PHF11: variants seen among roughly 807,000 people sequenced by gnomAD.
The protein encoded by PHF11 is BRCA1 C-terminus-associated protein.
PHF11 carries 38 observed loss-of-function variants against 40.5 expected under a neutral mutation model. The ratio of observed to expected loss-of-function variants is 0.94; its 90% confidence interval spans 0.72 to 1.23. The LOEUF (loss-of-function observed/expected upper bound fraction) is 1.23, where lower values mean the gene tolerates loss of function less well. Ranked by LOEUF, PHF11 falls within the 50% of genes most tolerant of loss-of-function variation. PHF11 has a pLI of 0.00. For missense variants in PHF11, 369 were observed against 392.4 expected (o/e 0.94, Z 0.50); for synonymous variants, 127 against 138.2 (o/e 0.92, Z 0.57).
intron 4 of PHF11, among the ~76,000 whole-genome samples, chr13:49,520,463 C>T (rs576200893): frequency 2.6e-5 from 4 of 152,258 alleles, no homozygotes; most frequent in African/African-American, 9.6e-5. Flanking sequence ...CTGTTTTCAT[C>T]GAAAATGACT....
intron 9 of PHF11, 59 bp from the exon 10 acceptor site, chr13:49,528,452 C>A: frequency 1.7e-6 from 2 of 1,205,362 alleles, no homozygotes; most frequent in Non-Finnish European, 2.4e-6. Flanking sequence ...AGAAATGGTA[C>A]ATTATTTCTA....
At chr13:49,511,299 C>T (rs928025789) in intron 2 of PHF11, among the ~76,000 whole-genome samples, 2 of 145,032 alleles carry the variant, frequency 1.4e-5, no homozygotes, top group Non-Finnish European at 3.0e-5. Flanking sequence ...TTATTTAGGC[C>T]TTTCATAATT....
Position 49,524,195 on chromosome 13 carries a change from G to T in PHF11, c.748G>T (p.Asp250Tyr), listed in dbSNP as rs1194653715. ...TCATTCAATTCCAGAAAAACTCATG[G>T]ATGAGACTACTTCAGAATCAGGTAC... is the stretch of plus-strand genomic sequence containing the variant. ...KVHSIPEKLM[D>Y]ETTSESDYEE... The change falls in exon 8 of 10, where the codon GAT (aspartate) becomes TAT (tyrosine). Residue 250 changes from aspartate to tyrosine, a missense_variant. By Grantham distance (160) the Asp-to-Tyr change is radical. Coordinates refer to ENST00000378319, the MANE Select transcript of PHF11 (RefSeq NM_001040443.3). The T allele has an allele frequency of 6.2e-7, 1 of 1,608,548 alleles. No homozygotes were observed. Among genetic ancestry groups the T allele is most frequent in the Non-Finnish European group, 8.5e-7 (1 of 1,176,464 alleles).
In PHF11 at chr13:49,523,441, T is replaced by C; in HGVS notation, c.637+200T>C. On this transcript the variant is annotated intron_variant, in intron 7 of 9. Coordinates refer to ENST00000378319, the MANE Select transcript of PHF11 (RefSeq NM_001040443.3). ...AGATAACTTAGGTTGGAATGGTCCA[T>C]TGCATTCAGTATTAAGAAAAGATAG... is the stretch of plus-strand genomic sequence containing the variant. 1.0e-5 allele frequency: 6 copies of C among 579,100 alleles called. No individual in the cohort carries two copies. In the South Asian group the frequency reaches 1.1e-4, roughly 11 times the overall value. The allele number at this position is 579,100 out of a possible 1,614,324, so 35.9% of individuals were successfully genotyped here. A position where few individuals can be genotyped will look rare whatever the true frequency, so the allele number is the denominator to read the frequency against.
intron 1 of PHF11, 67 bp from the exon 2 acceptor site, chr13:49,506,568 T>C: frequency 6.9e-7 from 1 of 1,455,546 alleles, no homozygotes; most frequent in Non-Finnish European, 9.6e-7. Context: ...ACTTGAAGAC[T>C]GGAAGAGGAG....
intron 1 of PHF11, 178 bp downstream of exon 1, chr13:49,496,273 G>T: frequency 3.0e-6 from 2 of 666,896 alleles, no homozygotes; most frequent in Non-Finnish European, 4.2e-6. Context: ...CGTGCCTGTT[G>T]GTGGGGGAGG....
At chr13:49,517,639 C>T (rs1959167686) in intron 3 of PHF11, among the ~76,000 whole-genome samples, 1 of 152,234 alleles carries the variant, frequency 6.6e-6, no homozygotes, top group South Asian at 2.1e-4. Context: ...AGCGACCAAT[C>T]TCGCCTGTCT....
intron 8 of PHF11, among the ~76,000 whole-genome samples, chr13:49,525,209 A>G (rs557376422): frequency 6.6e-6 from 1 of 152,278 alleles, no homozygotes; most frequent in East Asian, 1.9e-4. Context: ...TGGGAAGTCA[A>G]AGTTCCATTT....
At position 49,505,245 on chromosome 13, in the gene PHF11, C is replaced by T. The variant is rs1594204074; in HGVS notation, c.95-1390C>T. 2.0e-5 allele frequency among the ~76,000 whole-genome samples: 3 copies of T among 151,486 alleles called. No individual in the cohort carries two copies. In the East Asian group the frequency reaches 5.8e-4, roughly 29 times the overall value. ...CTGAGCAGTTTTCACTCTATCTTACCCTTTTTTCTTGCTTGGTGGGAAGCT... is the reference window on the plus strand; with the variant it reads ...CTGAGCAGTTTTCACTCTATCTTACTCTTTTTTCTTGCTTGGTGGGAAGCT... On this transcript the variant is annotated intron_variant, in intron 1 of 9. Coordinates refer to ENST00000378319, the MANE Select transcript of PHF11 (RefSeq NM_001040443.3).
intron 3 of PHF11, among the ~76,000 whole-genome samples, chr13:49,516,815 G>C (rs1265557284): frequency 1.3e-5 from 2 of 151,858 alleles, no homozygotes; most frequent in African/African-American, 4.8e-5. Context: ...GAACTCCTGG[G>C]CTCAAGCAAT....
At chr13:49,507,419 T>G (rs1959017404) in intron 2 of PHF11, among the ~76,000 whole-genome samples, 1 of 152,226 alleles carries the variant, frequency 6.6e-6, no homozygotes, top group Admixed American at 6.5e-5. Flanking sequence ...GGCATTTAGT[T>G]TTTCCAGTAT....
intron 8 of PHF11, chr13:49,525,830 A>G: frequency 4.4e-6 from 2 of 456,204 alleles, no homozygotes; most frequent in Admixed American, 2.4e-5. Context: ...GTGAGGACAC[A>G]GATAGCTGGG....
chr13:49,496,259 C>A (rs2139018658), intron 1 of PHF11, 164 bp downstream of exon 1: 1 of 648,422 alleles, frequency 1.5e-6, no homozygotes, highest in Non-Finnish European at 2.2e-6. Flanking sequence ...TGGCTCACCA[C>A]TCGCGTGCCT....
chr13:49,526,218 T>TA (rs1959268857), intron 8 of PHF11, 169 bp from the exon 9 acceptor site: 2 of 561,290 alleles, frequency 3.6e-6, no homozygotes, highest in Non-Finnish European at 6.4e-6. Flanking sequence ...AAGAATTACA[T>TA]TTCTGACAGC....
intron 7 of PHF11, chr13:49,523,794 A>G (rs906313386): frequency 1.3e-5 from 3 of 225,174 alleles, no homozygotes; most frequent in Non-Finnish European, 2.6e-5. Context: ...AGGTATTGAA[A>G]TTTAAAAAGT....
chr13:49,504,306 G>A (rs1958947788), intron 1 of PHF11, among the ~76,000 whole-genome samples: 2 of 151,958 alleles, frequency 1.3e-5, no homozygotes, highest in South Asian at 4.2e-4. Context: ...ACAAAAATTA[G>A]CCAGACATGG....
At chr13:49,498,991 C>T (rs191966636) in intron 1 of PHF11, among the ~76,000 whole-genome samples, 459 of 152,326 alleles carry the variant, frequency 3.0e-3, no homozygotes, top group Non-Finnish European at 5.6e-3. Context: ...ACCAGACTCA[C>T]AGACCCCCAG....
intron 4 of PHF11, among the ~76,000 whole-genome samples, chr13:49,519,207 A>C (rs1359985891): frequency 6.6e-6 from 1 of 152,198 alleles, no homozygotes; most frequent in Non-Finnish European, 1.5e-5. Flanking sequence ...AAATGTGTAA[A>C]TATGTAAATT....
chr13:49,497,128 C>A, intron 1 of PHF11: 1 of 1,289,430 alleles, frequency 7.8e-7, no homozygotes, highest in African/African-American at 1.5e-5. Context: ...AGGCACCAAA[C>A]CACAAAACGT....
Sources: gnomAD v4.1 joint callset for allele counts (sites outside exome capture counted in the v4.1 genomes callset) on GRCh38, gnomAD v4.1.1 for gene constraint, MANE v1.5 for transcripts, NCBI Gene and HGNC (gene_info 2026-07-23, HGNC 2026-07-21) for gene names.